CADM2: variants seen among roughly 807,000 people sequenced by gnomAD.
CADM2 encodes immunoglobulin superfamily member 4D.
Under a neutral mutation model 49.8 loss-of-function variants are expected in CADM2, and 12 were observed. The ratio of observed to expected loss-of-function variants is 0.24; its 90% CI spans 0.15 to 0.39. The LOEUF is 0.39. Ranked by LOEUF, CADM2 falls within the 10% of genes least tolerant of loss-of-function variation. The pLI is 1.00. For missense variants in CADM2, 378 were observed against 492.3 expected, an observed-to-expected ratio of 0.77 and a Z score of 2.20; for synonymous variants, 214 against 175.4, an observed-to-expected ratio of 1.22 and a Z score of -1.74.
chr3:85,500,835 G>A (rs942084253), intron 1 of CADM2, among the ~76,000 whole-genome samples: 3 of 151,950 alleles, frequency 2.0e-5, no homozygotes, highest in African/African-American at 7.3e-5. Flanking sequence ...TTTACTTGAT[G>A]TGAACACTTC....
At chr3:85,082,095 C>T (rs903924046) in intron 1 of CADM2, among the ~76,000 whole-genome samples, 14 of 152,216 alleles carry the variant, frequency 9.2e-5, no homozygotes, top group East Asian at 5.8e-4. Flanking sequence ...TATTAGCTCA[C>T]GTATGCTCAA....
At chr3:85,357,262 T>C (rs2031944831) in intron 1 of CADM2, among the ~76,000 whole-genome samples, 1 of 152,078 alleles carries the variant, frequency 6.6e-6, no homozygotes, top group Non-Finnish European at 1.5e-5. Context: ...AAAATACAAA[T>C]TGCTGAAATT....
chr3:85,958,185 C>T (rs1483839896), intron 7 of CADM2, among the ~76,000 whole-genome samples: 1 of 151,810 alleles, frequency 6.6e-6, no homozygotes, highest in Non-Finnish European at 1.5e-5. Flanking sequence ...AGCCAACAAA[C>T]ATACAAAAAA....
intron 1 of CADM2, among the ~76,000 whole-genome samples, chr3:85,066,789 C>T (rs1008437658): frequency 6.6e-6 from 1 of 152,160 alleles, no homozygotes; most frequent in Non-Finnish European, 1.5e-5. Flanking sequence ...TTATTTCCTG[C>T]TTTCAAGGTA....
intron 1 of CADM2, among the ~76,000 whole-genome samples, chr3:85,337,328 C>CA (rs1472370638): frequency 6.6e-6 from 1 of 151,076 alleles, no homozygotes; most frequent in Non-Finnish European, 1.5e-5. Flanking sequence ...AAAAGAAAGA[C>CA]AATTTATACT....
chr3:85,791,546 G>A (rs868567139), intron 2 of CADM2, among the ~76,000 whole-genome samples: 4,916 of 98,452 alleles, frequency 0.05, 108 homozygotes, highest in African/African-American at 0.12. Flanking sequence ...GAGAGAGAAA[G>A]AGAGAGAGAG....
intron 1 of CADM2, among the ~76,000 whole-genome samples, chr3:85,698,886 A>G (rs2066654059): frequency 6.6e-6 from 1 of 152,144 alleles, no homozygotes; most frequent in Admixed American, 6.5e-5. Context: ...AACTCATTTC[A>G]ACATTAACTC....
chr3:85,804,153 C>G (rs58849487), intron 3 of CADM2, among the ~76,000 whole-genome samples: 8,255 of 151,908 alleles, frequency 0.054, 642 homozygotes, highest in African/African-American at 0.17. Flanking sequence ...AGTGTATGCT[C>G]AAATATAAGG....
intron 1 of CADM2, among the ~76,000 whole-genome samples, chr3:85,707,393 C>CTT (rs34006416): frequency 0.23 from 29,681 of 128,412 alleles, 3,907 homozygotes; most frequent in South Asian, 0.33. Flanking sequence ...ATCATTGTAT[C>CTT]TTTTTTTTTT....
rs546648238 is a variant in CADM2 at position 85,073,108 on chromosome 3, A to G, written c.61+113440A>G. ...TGGTAGTGGCAATGTGTCCAAATTA[A>G]CTTCTCTGACAGATGGATTGCAAAG... On this transcript the variant is annotated intron_variant, in intron 1 of 9. Transcript: ENST00000383699. Among the ~76,000 whole-genome samples, 3 of 152,242 alleles carry G rather than the reference A, an allele frequency of 2.0e-5. No homozygotes were observed. In the South Asian group the frequency reaches 6.2e-4, roughly 32 times the overall value.
intron 1 of CADM2, among the ~76,000 whole-genome samples, chr3:85,546,112 T>C (rs1047017327): frequency 2.0e-5 from 3 of 152,192 alleles, no homozygotes; most frequent in Non-Finnish European, 2.9e-5. Context: ...ATTTTACTTC[T>C]TTATTACCTT....
intron 1 of CADM2, among the ~76,000 whole-genome samples, chr3:85,623,052 C>A (rs1054003295): frequency 6.6e-6 from 1 of 151,986 alleles, no homozygotes; most frequent in African/African-American, 2.4e-5. Context: ...CTTAAGCCCA[C>A]TGATAAGAAT....
At chr3:85,961,740 T>G in intron 8 of CADM2, 93 bp downstream of exon 8, 1 of 766,200 alleles carries the variant, frequency 1.3e-6, no homozygotes. Flanking sequence ...GTGAACAAAA[T>G]TATATGGTTT....
chr3:85,022,792 G>T (rs2034561947), intron 1 of CADM2, among the ~76,000 whole-genome samples: 1 of 151,880 alleles, frequency 6.6e-6, no homozygotes, highest in Non-Finnish European at 1.5e-5. Flanking sequence ...AATCACTGTA[G>T]AATAAACATG....
chr3:85,380,892 T>A (rs1195934533), intron 1 of CADM2, among the ~76,000 whole-genome samples: 2 of 152,084 alleles, frequency 1.3e-5, no homozygotes, highest in East Asian at 3.8e-4. Flanking sequence ...ATAGCACAGA[T>A]AAATTTCACA....
chr3:85,701,038 G>T (rs552831548), intron 1 of CADM2, among the ~76,000 whole-genome samples: 127 of 151,508 alleles, frequency 8.4e-4, no homozygotes, highest in African/African-American at 2.5e-3. Flanking sequence ...AAACTTAATT[G>T]TCCCATGGTT....
chr3:85,515,008 A>G (rs2060858803), intron 1 of CADM2, among the ~76,000 whole-genome samples: 1 of 152,152 alleles, frequency 6.6e-6, no homozygotes, highest in Admixed American at 6.6e-5. Context: ...GTCCTTTTGC[A>G]TATAGAAGTA....
chr3:85,800,097 T>C (rs2071905690), intron 2 of CADM2: 1 of 152,214 alleles, frequency 6.6e-6, no homozygotes. Flanking sequence ...AGAGGAGGAA[T>C]CTAGAGAGGC....
At chr3:85,412,965 C>T (rs1264148896) in intron 1 of CADM2, among the ~76,000 whole-genome samples, 1 of 150,980 alleles carries the variant, frequency 6.6e-6, no homozygotes, top group Non-Finnish European at 1.5e-5. Context: ...CACGGAGAAA[C>T]CCTGTCTCTA....
Sources: gnomAD v4.1 joint callset for allele counts (sites outside exome capture counted in the v4.1 genomes callset) on GRCh38, gnomAD v4.1.1 for gene constraint, MANE v1.5 for transcripts, NCBI Gene and HGNC (gene_info 2026-07-23, HGNC 2026-07-21) for gene names.